The following PHKA2 variants were observed in gnomAD, a reference collection of about 807,000 sequenced individuals.
PHKA2 encodes the protein phosphorylase b kinase regulatory subunit alpha, liver isoform.
Under a neutral mutation model 102.0 loss-of-function variants are expected in PHKA2, and 31 were observed. The observed-to-expected ratio is 0.30, with a 90% confidence interval of 0.23 to 0.41. The LOEUF (loss-of-function observed/expected upper bound fraction) is 0.41. Among genes scored for constraint, PHKA2 ranks in the 10% least tolerant of loss-of-function variants. The probability of loss-of-function intolerance (pLI) is 1.00; values close to 1 mark genes in which losing one functional copy is unlikely to be tolerated. For missense variants in PHKA2, 858 were observed against 1,023.1 expected, an observed-to-expected ratio of 0.84 and a Z score of 2.20; for synonymous variants, 455 against 416.2, an observed-to-expected ratio of 1.09 and a Z score of -1.13.
rs753601308 is a variant in PHKA2, at chrX:18,941,585, C to T, written c.808G>A (p.Val270Met). 1.8e-5 allele frequency: 21 copies of T among 1,195,455 alleles called. No individual in the cohort carries two copies. The highest frequency in any genetic ancestry group is 2.2e-5 in the Admixed American group (1 of 45,821). Residue 270 changes from valine to methionine, a missense_variant, in exon 8 of 33, where the codon GTG becomes ATG. Around this residue, in one of 2 missense-constraint regions of PHKA2, gnomAD observed 187 missense variants for 277.9 expected, o/e 0.67. Transcript: ENST00000379942. ...ACATTTACAAGGTTTACATCTTCCA[C>T]TGCAAAGGCCGGGAAGGAAATAATG... The part of the protein sequence containing the change: ...LSIISFPAFA[V>M]EDVNLVNVTK...
intron 1 of PHKA2, among the ~76,000 whole-genome samples, chrX:18,969,336 C>T (rs1426727091): frequency 1.8e-5 from 2 of 111,499 alleles, no homozygotes; most frequent in East Asian, 5.6e-4. Flanking sequence ...GCTAGTTCAG[C>T]TCACAGCTCA....
chrX:18,919,646 G>A (rs777520619), intron 18 of PHKA2, among the ~76,000 whole-genome samples: 2 of 105,480 alleles, frequency 1.9e-5, no homozygotes, highest in East Asian at 3.0e-4. Context: ...CCAGGAGGTC[G>A]AGGCTGCAGT....
intron 11 of PHKA2, among the ~76,000 whole-genome samples, chrX:18,934,447 T>A (rs1157483814): frequency 4.5e-5 from 5 of 111,438 alleles, no homozygotes; most frequent in African/African-American, 1.6e-4. Context: ...GGGCTAAGGG[T>A]CCAGGCTGGT....
At chrX:18,911,060 C>A in intron 19 of PHKA2, 100 bp from the exon 20 acceptor site, 1 of 503,556 alleles carries the variant, frequency 2.0e-6, no homozygotes, top group Non-Finnish European at 3.4e-6. Flanking sequence ...GGCTGGAGTG[C>A]ACTGGTGTGA....
intron 5 of PHKA2, among the ~76,000 whole-genome samples, chrX:18,947,770 C>G (rs759928651): frequency 1.1e-4 from 12 of 112,132 alleles, no homozygotes; most frequent in Non-Finnish European, 2.3e-4. Flanking sequence ...CATCAGTCAA[C>G]GAGTAGATAA....
intron 1 of PHKA2, among the ~76,000 whole-genome samples, chrX:18,964,482 G>A (rs143235105): frequency 2.8e-4 from 32 of 112,331 alleles, no homozygotes; most frequent in African/African-American, 9.7e-4. Context: ...AATAAAATAC[G>A]CACAAGAGAC....
In PHKA2 at chrX:18,941,695, G is replaced by A. The variant is rs773812720; in HGVS notation, c.718-20C>T. Reference sequence around the variant, plus strand: ...AATAGACTGAATGAAAAACAAAGAGGTGGTTTAACCTGGAGATGCGCTAAT... The same window carrying A: ...AATAGACTGAATGAAAAACAAAGAGATGGTTTAACCTGGAGATGCGCTAAT... On this transcript the variant is annotated intron_variant, in intron 7 of 32. Coordinates refer to ENST00000379942, the MANE Select transcript of PHKA2 (RefSeq NM_000292.3). 8.8e-7 allele frequency: 1 copy of A among 1,131,587 alleles called. No individual in the cohort carries two copies. The highest frequency in any genetic ancestry group is 1.8e-5 in the African/African-American group (1 of 56,554). 93.3% of individuals were successfully genotyped at this position (1,131,587 alleles called of 1,213,427 possible).
intron 19 of PHKA2, among the ~76,000 whole-genome samples, chrX:18,917,588 A>C (rs141017140): frequency 0.039 from 4,362 of 111,707 alleles, 196 homozygotes; most frequent in African/African-American, 0.13. Context: ...CTAGAATTCT[A>C]TACCCAGCCA....
intron 11 of PHKA2, among the ~76,000 whole-genome samples, chrX:18,933,753 C>T (rs2048350365): frequency 8.9e-6 from 1 of 111,912 alleles, no homozygotes; most frequent in South Asian, 3.8e-4. Context: ...ACACAAAATG[C>T]AATCAGTGTC....
chrX:18,960,019 G>A (rs780021837), intron 1 of PHKA2, among the ~76,000 whole-genome samples: 9 of 111,355 alleles, frequency 8.1e-5, no homozygotes, highest in Admixed American at 2.9e-4. Context: ...CCAGCCACTT[G>A]TTCACCTCTC....
At chrX:18,906,158 A>G (rs2147852810) in intron 25 of PHKA2, among the ~76,000 whole-genome samples, 1 of 112,362 alleles carries the variant, frequency 8.9e-6, no homozygotes, top group East Asian at 2.8e-4. Flanking sequence ...GGTTTCTCCC[A>G]GTGAAGGTGT....
intron 1 of PHKA2, among the ~76,000 whole-genome samples, chrX:18,979,249 C>G (rs927752864): frequency 1.8e-5 from 2 of 112,193 alleles, no homozygotes; most frequent in African/African-American, 6.5e-5. Context: ...TAACTCTCTC[C>G]CAAATTCCTC....
intron 1 of PHKA2, among the ~76,000 whole-genome samples, chrX:18,963,807 G>A (rs2048901544): frequency 9.0e-6 from 1 of 111,628 alleles, no homozygotes; most frequent in Non-Finnish European, 1.9e-5. Flanking sequence ...CTAGCTGGAC[G>A]GCACAGAGAT....
At chrX:18,957,443 C>T (rs1055333202) in intron 1 of PHKA2, among the ~76,000 whole-genome samples, 3 of 111,504 alleles carry the variant, frequency 2.7e-5, no homozygotes, top group African/African-American at 9.8e-5. Flanking sequence ...CAGGCAAATG[C>T]AGACCACAGG....
intron 18 of PHKA2, among the ~76,000 whole-genome samples, chrX:18,919,743 AAAAAG>A (rs2048082109): frequency 9.5e-6 from 1 of 105,741 alleles, no homozygotes; most frequent in Admixed American, 1.0e-4. Flanking sequence ...AAAAAAAAAA[AAAAAG>A]AGAGAGAGAG....
intron 10 of PHKA2, 61 bp downstream of exon 10, chrX:18,938,566 A>G: frequency 9.2e-7 from 1 of 1,083,973 alleles, no homozygotes; most frequent in Non-Finnish European, 1.3e-6. Flanking sequence ...ATGTTCTAAT[A>G]ATAATCAGTA....
At chrX:18,954,655 G>A (rs2048748750) in intron 1 of PHKA2, among the ~76,000 whole-genome samples, 1 of 112,667 alleles carries the variant, frequency 8.9e-6, no homozygotes, top group South Asian at 3.6e-4. Context: ...AAACATTCCA[G>A]CTCTTATGTT....
At position 18,908,899 on chromosome X, in the gene PHKA2, G is replaced by C; in HGVS notation, c.2262C>G (p.Asp754Glu). The part of the protein sequence containing the change: ...PESDFQWPRD[D>E]HGDVDCEKLV... ...GCTTCTCACAGTCCACGTCACCATG[G>C]TCATCTCTGGGCCACTGAAAGTCAC... is the stretch of plus-strand genomic sequence containing the variant. Residue 754 changes from aspartate (D) to glutamate (E), a missense_variant, in exon 21 of 33, where the codon GAC becomes GAG. By Grantham distance (45) the Asp-to-Glu change is conservative. This residue lies in a region of PHKA2 where 671 missense variants were observed against 745.2 expected (regional missense o/e 0.90). Coordinates refer to ENST00000379942, the MANE Select transcript of PHKA2 (RefSeq NM_000292.3). The C allele has an allele frequency of 8.3e-7, 1 of 1,208,341 alleles. No individual in the cohort carries two copies.
chrX:18,897,539 T>G (rs2047593400), intron 29 of PHKA2: 1 of 437,239 alleles, frequency 2.3e-6, no homozygotes, highest in African/African-American at 2.5e-5. Flanking sequence ...CATTCCATGT[T>G]GCACTCTGCC....
Sources: gnomAD v4.1 joint callset for allele counts (sites outside exome capture counted in the v4.1 genomes callset) on GRCh38, gnomAD v4.1.1 for gene constraint, gnomAD v4.1.1 regional missense constraint, MANE v1.5 for transcripts, NCBI Gene and HGNC (gene_info 2026-07-23, HGNC 2026-07-21) for gene names.